Variants in CGGBP1 observed in about 807,000 individuals in gnomAD.
CGGBP1 encodes CGG triplet repeat-binding protein 1.
Under a neutral mutation model 11.4 loss-of-function variants are expected in CGGBP1, and 4 were observed. The observed-to-expected ratio is 0.35, with a 90% CI of 0.17 to 0.80. The LOEUF (loss-of-function observed/expected upper bound fraction) is 0.80, where lower values mean the gene tolerates loss of function less well. Ranked by LOEUF, CGGBP1 falls within the 30% of genes least tolerant of loss-of-function variation. The pLI is 0.52. For missense variants in CGGBP1, 135 were observed against 202.1 expected (o/e 0.67, Z 2.01); for synonymous variants, 76 against 74.1 (o/e 1.03, Z -0.13).
chr3:88,063,025 G>A (rs1328674906), upstream of CGGBP1, among the ~76,000 whole-genome samples: 1 of 152,152 alleles, frequency 6.6e-6, no homozygotes, highest in Non-Finnish European at 1.5e-5. Flanking sequence ...AATGCTCCTG[G>A]TGAAACACAA....
chr3:88,059,066 T>G, upstream of CGGBP1: 1 of 666,160 alleles, frequency 1.5e-6, no homozygotes, highest in Admixed American at 3.4e-5. Context: ...AGACGGCCGG[T>G]TTATCAAACA....
exon 2 of CGGBP1, chr3:88,141,019 C>T: frequency 6.2e-7 from 1 of 1,608,064 alleles, no homozygotes; most frequent in Non-Finnish European, 8.5e-7. Context: ...AAATGTCAGA[C>T]ACTCTTTGGA....
intron 2 of CGGBP1, among the ~76,000 whole-genome samples, chr3:88,094,354 G>T (rs974992382): frequency 6.6e-6 from 1 of 151,990 alleles, no homozygotes; most frequent in Admixed American, 6.6e-5. Context: ...TCCTTTTATT[G>T]ATTTTGGAGT....
chr3:88,126,005 A>C, intron 2 of CGGBP1: 1 of 998,234 alleles, frequency 1.0e-6, no homozygotes, highest in Non-Finnish European at 1.4e-6. Context: ...AGGTTACAAT[A>C]GTAACCCTTT....
chr3:88,121,050 A>G (rs1705740304), intron 2 of CGGBP1, among the ~76,000 whole-genome samples: 1 of 152,126 alleles, frequency 6.6e-6, no homozygotes, highest in African/African-American at 2.4e-5. Context: ...GTGTATACCT[A>G]TGTAACAAAC....
intron 2 of CGGBP1, among the ~76,000 whole-genome samples, chr3:88,083,829 T>G (rs4378991): frequency 0.78 from 117,953 of 151,936 alleles, 46,643 homozygotes; most frequent in South Asian, 0.91. Flanking sequence ...AAAGATGTGG[T>G]GCTTACTGCC....
At chr3:88,098,983 G>A (rs538071747) in intron 2 of CGGBP1, among the ~76,000 whole-genome samples, 6 of 152,148 alleles carry the variant, frequency 3.9e-5, no homozygotes, top group East Asian at 1.9e-4. Context: ...AGTTCTGGCC[G>A]GGGCAATCAG....
intron 2 of CGGBP1, among the ~76,000 whole-genome samples, chr3:88,079,144 A>G (rs1279962971): frequency 6.6e-6 from 1 of 152,058 alleles, no homozygotes; most frequent in African/African-American, 2.4e-5. Context: ...ACCTAAAGTA[A>G]CTTCAGGCTA....
At chr3:88,102,189 C>T (rs1704466663) in intron 2 of CGGBP1, among the ~76,000 whole-genome samples, 1 of 151,938 alleles carries the variant, frequency 6.6e-6, no homozygotes, top group Non-Finnish European at 1.5e-5. Context: ...CTTCGTGTTT[C>T]TTGATTTTAA....
At chr3:88,129,657 T>C (rs997735483) in intron 2 of CGGBP1, 6 of 1,369,770 alleles carry the variant, frequency 4.4e-6, no homozygotes, top group Non-Finnish European at 5.7e-6. Flanking sequence ...TTTTTAATTA[T>C]ATGAACTGAT....
upstream of CGGBP1, chr3:88,059,337 C>T (rs1706698384): frequency 2.0e-6 from 3 of 1,534,526 alleles, no homozygotes; most frequent in African/African-American, 1.4e-5. Flanking sequence ...AGGAAGAGAG[C>T]GACCAAGAGG....
chr3:88,105,760 T>C (rs891098956), intron 2 of CGGBP1, among the ~76,000 whole-genome samples: 1 of 152,232 alleles, frequency 6.6e-6, no homozygotes, highest in Non-Finnish European at 1.5e-5. Flanking sequence ...TGTATTTTTC[T>C]TCTTGTGACT....
intron 2 of CGGBP1, among the ~76,000 whole-genome samples, chr3:88,127,990 T>G (rs1706220708): frequency 6.6e-6 from 1 of 152,204 alleles, no homozygotes; most frequent in Non-Finnish European, 1.5e-5. Flanking sequence ...TAGAAGCTAC[T>G]GATTAAATAT....
In CGGBP1 at chr3:88,055,534, C is replaced by G. The variant is rs773137250; in HGVS notation, c.443G>C (p.Arg148Thr). 1 of 1,576,322 alleles carries G rather than the reference C, an allele frequency of 6.3e-7. No homozygotes were observed. The highest frequency in any genetic ancestry group is 1.2e-5 in the South Asian group (1 of 85,956). ...CTCATATCCATCAGGAAGATATGCC[C>G]TCCGTAGCTGGTCTGACTTAGGTAT... ...GSIPKSDQLR[R>T]AYLPDGYENE... Residue 148 changes from arginine (R) to threonine (T), a missense_variant, in exon 4 of 4, where the codon AGG becomes ACG. Transcript: ENST00000482016. This position sits in a 1 kb window ranked among gnomAD's most constrained non-coding sequence, Gnocchi z 4.2.
chr3:88,113,261 A>G (rs1705200455), intron 2 of CGGBP1: 21 of 963,370 alleles, frequency 2.2e-5, no homozygotes, highest in Non-Finnish European at 3.2e-5. Flanking sequence ...GCTCCCCCTA[A>G]ATATAGCTTA....
intron 2 of CGGBP1, among the ~76,000 whole-genome samples, chr3:88,066,364 A>G (rs1351576592): frequency 1.3e-5 from 2 of 152,186 alleles, no homozygotes; most frequent in Non-Finnish European, 2.9e-5. Flanking sequence ...GCTTGAGCTC[A>G]GGAGTTCGAT....
chr3:88,142,548 T>C (rs1049468378), intron 1 of CGGBP1: 4 of 152,020 alleles, frequency 2.6e-5, no homozygotes, highest in African/African-American at 9.7e-5. Context: ...TTTGTGTATA[T>C]GTTGGGACAT....
At chr3:88,113,662 C>T (rs1705224280) in intron 2 of CGGBP1, among the ~76,000 whole-genome samples, 1 of 152,060 alleles carries the variant, frequency 6.6e-6, no homozygotes, top group African/African-American at 2.4e-5. Context: ...ACAAAAGAGT[C>T]AAGACCTCTC....
At chr3:88,085,850 G>A (rs1398879811) in intron 2 of CGGBP1, among the ~76,000 whole-genome samples, 1 of 152,076 alleles carries the variant, frequency 6.6e-6, no homozygotes, top group African/African-American at 2.4e-5. Context: ...TTGCCAGAAT[G>A]CTTAGAGTCT....
Sources: allele counts gnomAD v4.1 joint callset (sites outside exome capture counted in the v4.1 genomes callset), GRCh38; gene constraint gnomAD v4.1.1; non-coding constraint Gnocchi (gnomAD v3.1); transcripts MANE v1.5; gene names NCBI Gene and HGNC (gene_info 2026-07-23, HGNC 2026-07-21).